CAMK4: variants seen among roughly 807,000 people sequenced by gnomAD.
CAMK4 encodes the protein calcium/calmodulin-dependent protein kinase type IV.
A neutral mutation model predicts 44.9 loss-of-function variants in CAMK4; 22 were observed. The observed-to-expected ratio is 0.49, with a 90% CI of 0.35 to 0.70. The LOEUF is 0.70. Ranked by LOEUF, CAMK4 falls within the 30% of genes least tolerant of loss-of-function variation. The probability of loss-of-function intolerance (pLI) is 0.01; values close to 1 mark genes in which losing one functional copy is unlikely to be tolerated. For synonymous variants in CAMK4, 218 were observed against 215.4 expected (o/e 1.01, Z -0.11); for missense variants, 498 against 586.8 (o/e 0.85, Z 1.56).
chr5:111,444,041 A>T (rs993180354), intron 5 of CAMK4, among the ~76,000 whole-genome samples: 3 of 151,948 alleles, frequency 2.0e-5, no homozygotes, highest in African/African-American at 7.3e-5. Context: ...TACCTTCATT[A>T]CCTTCCTTTC....
chr5:111,430,233 T>C (rs1753394191), intron 5 of CAMK4, among the ~76,000 whole-genome samples: 1 of 152,226 alleles, frequency 6.6e-6, no homozygotes, highest in Non-Finnish European at 1.5e-5. Flanking sequence ...ATCATTTCAA[T>C]TGATGCTGAA....
intron 6 of CAMK4, 105 bp downstream of exon 6, chr5:111,446,881 G>A (rs970831885): frequency 5.3e-6 from 4 of 751,578 alleles, no homozygotes; most frequent in Non-Finnish European, 9.8e-6. Flanking sequence ...CATCCATTCA[G>A]TTTTCCTGAA....
Position 111,344,111 on chromosome 5 carries a change from A to T in CAMK4, c.240+9A>T. 6.5e-7 allele frequency: 1 copy of T among 1,533,380 alleles called. No homozygotes were observed. The highest frequency in any genetic ancestry group is 9.0e-7 in the Non-Finnish European group (1 of 1,108,460). The allele number at this position is 1,533,380 out of a possible 1,614,324, so 95.0% of individuals were successfully genotyped here. A position where few individuals can be genotyped will look rare whatever the true frequency, so the allele number is the denominator to read the frequency against. On this transcript the variant is annotated intron_variant, in intron 2 of 10. Transcript: ENST00000282356. ...AAGTGTTAAAGAAAACAGTAAGTTT[A>T]TTTCTTATATAATGGCATCTCTAAG...
At chr5:111,358,241 T>C (rs1056621286) in intron 2 of CAMK4, 1 of 152,070 alleles carries the variant, frequency 6.6e-6, no homozygotes, top group Non-Finnish European at 1.5e-5. Context: ...TCACATACAA[T>C]ATCCACTGGC....
chr5:111,308,764 C>T (rs73786887), intron 1 of CAMK4, among the ~76,000 whole-genome samples: 6,723 of 152,104 alleles, frequency 0.044, 496 homozygotes, highest in African/African-American at 0.15. Context: ...ATACTGAATT[C>T]GTTAAAAGTG....
At chr5:111,287,338 G>A (rs1212028446) in intron 1 of CAMK4, among the ~76,000 whole-genome samples, 1 of 152,066 alleles carries the variant, frequency 6.6e-6, no homozygotes, top group Non-Finnish European at 1.5e-5. Context: ...AATAATATGG[G>A]ATCAGGTGAT....
intron 1 of CAMK4, among the ~76,000 whole-genome samples, chr5:111,315,500 G>A (rs1314240751): frequency 6.6e-6 from 1 of 152,092 alleles, no homozygotes; most frequent in Non-Finnish European, 1.5e-5. Flanking sequence ...AATTCATTTA[G>A]TTTCATTTAC....
intron 1 of CAMK4, among the ~76,000 whole-genome samples, chr5:111,241,362 T>G (rs1195657321): frequency 6.6e-6 from 1 of 152,062 alleles, no homozygotes; most frequent in Non-Finnish European, 1.5e-5. Context: ...ATGCCCCCAG[T>G]CTGGATTTGT....
chr5:111,224,764 G>C lies in CAMK4; in HGVS notation c.161+120G>C. On this transcript the variant is annotated intron_variant, in intron 1 of 10. Coordinates refer to ENST00000282356, the MANE Select transcript of CAMK4 (RefSeq NM_001744.6). The surrounding 1 kb of genome is among the most constrained non-coding windows in gnomAD (Gnocchi z 5.7). ...GTGCCCTTCGATTTCTCCCTACCTAGTTAGTGTCTTGAGAGAGAGCTAACC... is the reference window on the plus strand; with the variant it reads ...GTGCCCTTCGATTTCTCCCTACCTACTTAGTGTCTTGAGAGAGAGCTAACC... 5.2e-6 allele frequency: 5 copies of C among 966,400 alleles called. No homozygotes were observed. The highest frequency in any genetic ancestry group is 4.5e-6 in the Non-Finnish European group (3 of 662,250). The allele number at this position is 966,400 out of a possible 1,614,324, so 59.9% of individuals were successfully genotyped here.
At chr5:111,364,550 A>T (rs899496880) in intron 2 of CAMK4, among the ~76,000 whole-genome samples, 5 of 152,136 alleles carry the variant, frequency 3.3e-5, no homozygotes, top group African/African-American at 1.2e-4. Flanking sequence ...GGAGAGAGGT[A>T]ACTCCCTTTG....
intron 1 of CAMK4, among the ~76,000 whole-genome samples, chr5:111,247,355 AAAT>A (rs1366575891): frequency 2.7e-5 from 4 of 147,494 alleles, no homozygotes; most frequent in African/African-American, 9.8e-5. Flanking sequence ...AGAAATTTGT[AAAT>A]AATATTTTTA....
At chr5:111,402,981 A>G (rs1232760830) in intron 5 of CAMK4, among the ~76,000 whole-genome samples, 3 of 152,204 alleles carry the variant, frequency 2.0e-5, no homozygotes, top group East Asian at 1.9e-4. Flanking sequence ...ACTTGAAGCA[A>G]TAAGATACTG....
intron 7 of CAMK4, among the ~76,000 whole-genome samples, chr5:111,460,095 A>G (rs961094715): frequency 6.6e-6 from 1 of 152,060 alleles, no homozygotes; most frequent in African/African-American, 2.4e-5. Flanking sequence ...AAAATGTCTT[A>G]TTTTGGACCA....
intron 1 of CAMK4, among the ~76,000 whole-genome samples, chr5:111,255,338 A>T (rs1749694230): frequency 6.6e-6 from 1 of 152,192 alleles, no homozygotes; most frequent in Non-Finnish European, 1.5e-5. Flanking sequence ...AAGCAATTAT[A>T]TTTCTCCTTA....
At chr5:111,456,505 A>C (rs1301623456) in intron 7 of CAMK4, among the ~76,000 whole-genome samples, 1 of 152,082 alleles carries the variant, frequency 6.6e-6, no homozygotes, top group Non-Finnish European at 1.5e-5. Context: ...AATAAAAATA[A>C]AAATAAAAAT....
intron 1 of CAMK4, among the ~76,000 whole-genome samples, chr5:111,333,610 T>G (rs1279176148): frequency 6.6e-6 from 1 of 151,576 alleles, no homozygotes; most frequent in Non-Finnish European, 1.5e-5. Context: ...GGCAGAAGTT[T>G]TATTAAATGT....
chr5:111,259,506 A>G (rs1306495285), intron 1 of CAMK4, among the ~76,000 whole-genome samples: 1 of 152,198 alleles, frequency 6.6e-6, no homozygotes, highest in Admixed American at 6.5e-5. Flanking sequence ...CAAGTTTCCA[A>G]CAGCTCATTG....
chr5:111,361,595 G>A (rs1012976725), intron 2 of CAMK4, among the ~76,000 whole-genome samples: 2 of 152,032 alleles, frequency 1.3e-5, no homozygotes, highest in African/African-American at 4.8e-5. Context: ...TGTCAGACTT[G>A]AATATATAAA....
chr5:111,454,587 G>A (rs1471198614), intron 7 of CAMK4, among the ~76,000 whole-genome samples: 1 of 144,482 alleles, frequency 6.9e-6, no homozygotes, highest in Non-Finnish European at 1.5e-5. Flanking sequence ...CCCATGAAGA[G>A]TTCAGTGTTG....
Sources: gnomAD v4.1 joint callset for allele counts (sites outside exome capture counted in the v4.1 genomes callset) on GRCh38, gnomAD v4.1.1 for gene constraint, Gnocchi (gnomAD v3.1) non-coding constraint, MANE v1.5 for transcripts, NCBI Gene and HGNC (gene_info 2026-07-23, HGNC 2026-07-21) for gene names.